PPARGC1A: variants seen among roughly 807,000 people sequenced by gnomAD.
PPARGC1A encodes peroxisome proliferator-activated receptor gamma coactivator 1-alpha.
A neutral mutation model predicts 88.7 loss-of-function variants in PPARGC1A; 25 were observed. The ratio of observed to expected loss-of-function variants is 0.28; its 90% CI spans 0.21 to 0.39. The LOEUF (loss-of-function observed/expected upper bound fraction) is 0.39, where lower values mean the gene tolerates loss of function less well. PPARGC1A is among the 10% of genes least tolerant of loss of function. The pLI is 1.00. For synonymous variants in PPARGC1A, 363 were observed against 355.6 expected (o/e 1.02, Z -0.24); for missense variants, 880 against 968.7 (o/e 0.91, Z 1.22).
At chr4:24,334,604 A>C in the PPARGC1A span, among the ~76,000 whole-genome samples, 1 of 152,224 alleles carries the variant, frequency 6.6e-6, no homozygotes, top group African/African-American at 2.4e-5. Context: ...TCCAAACATC[A>C]GTATCCACAG....
the PPARGC1A span, among the ~76,000 whole-genome samples, chr4:23,954,885 C>CACAACCAGGAAATA: frequency 2.6e-5 from 4 of 151,974 alleles, no homozygotes; most frequent in Non-Finnish European, 5.9e-5. Flanking sequence ...ATATTATATT[C>CACAACCAGGAAATA]ACAACCAGGA....
intron 10 of PPARGC1A, among the ~76,000 whole-genome samples, chr4:23,806,772 G>A (rs1719886304): frequency 1.3e-5 from 2 of 152,172 alleles, no homozygotes; most frequent in South Asian, 4.1e-4. Flanking sequence ...ATCAAAAAGA[G>A]TCTAGAGCTT....
the PPARGC1A span, among the ~76,000 whole-genome samples, chr4:23,928,397 T>C: frequency 1.3e-5 from 2 of 152,196 alleles, no homozygotes; most frequent in African/African-American, 4.8e-5. Context: ...CACAATGAGA[T>C]ACCATCTCAC....
the PPARGC1A span, among the ~76,000 whole-genome samples, chr4:24,270,206 T>G: frequency 2.7e-4 from 41 of 152,148 alleles, 1 homozygote; most frequent in Non-Finnish European, 5.6e-4. Flanking sequence ...TCACTGGAAC[T>G]TACACCACTG....
the PPARGC1A span, among the ~76,000 whole-genome samples, chr4:24,382,929 G>T: frequency 6.6e-6 from 1 of 152,200 alleles, no homozygotes; most frequent in Non-Finnish European, 1.5e-5. Context: ...TGACCCCCAT[G>T]CCTCCTGACA....
At chr4:24,047,191 G>T in the PPARGC1A span, among the ~76,000 whole-genome samples, 1 of 152,152 alleles carries the variant, frequency 6.6e-6, no homozygotes, top group Non-Finnish European at 1.5e-5. Flanking sequence ...CCGTCAGAGT[G>T]ATGCTCTCTC....
At chr4:24,213,975 A>C in the PPARGC1A span, among the ~76,000 whole-genome samples, 1 of 152,228 alleles carries the variant, frequency 6.6e-6, no homozygotes, top group African/African-American at 2.4e-5. Flanking sequence ...AGAGTTGGAG[A>C]GTTATGAGAC....
chr4:24,021,132 A>T, the PPARGC1A span, among the ~76,000 whole-genome samples: 1 of 152,252 alleles, frequency 6.6e-6, no homozygotes, highest in African/African-American at 2.4e-5. Context: ...GCAGGCAAGC[A>T]GTGTTCCCCT....
chr4:24,056,564 C>G, the PPARGC1A span, among the ~76,000 whole-genome samples: 1 of 152,036 alleles, frequency 6.6e-6, no homozygotes, highest in African/African-American at 2.4e-5. Flanking sequence ...ATATGGCCAG[C>G]ACATAGAATA....
the PPARGC1A span, among the ~76,000 whole-genome samples, chr4:23,952,154 G>A: frequency 6.6e-6 from 1 of 152,028 alleles, no homozygotes; most frequent in Non-Finnish European, 1.5e-5. Context: ...AGAAACTCTT[G>A]GGTTCGTAGC....
At chr4:24,189,560 A>G in the PPARGC1A span, among the ~76,000 whole-genome samples, 199 of 152,248 alleles carry the variant, frequency 1.3e-3, 4 homozygotes, top group African/African-American at 4.0e-3. Flanking sequence ...CTCTTCCAGG[A>G]AGCCTTCCCT....
upstream of PPARGC1A, among the ~76,000 whole-genome samples, chr4:23,902,163 A>G (rs1719484931): frequency 6.6e-6 from 1 of 152,220 alleles, no homozygotes; most frequent in African/African-American, 2.4e-5. Context: ...CATTAAAATT[A>G]AATTTAAAAT....
chr4:24,223,021 A>G, the PPARGC1A span, among the ~76,000 whole-genome samples: 4 of 152,204 alleles, frequency 2.6e-5, no homozygotes, highest in Non-Finnish European at 4.4e-5. Flanking sequence ...CATATACTCA[A>G]GCATACCTTT....
At chr4:24,242,345 T>G in the PPARGC1A span, among the ~76,000 whole-genome samples, 7 of 152,234 alleles carry the variant, frequency 4.6e-5, no homozygotes, top group Non-Finnish European at 7.3e-5. Flanking sequence ...ACTGGCCCTG[T>G]GCTCTAGTCC....
rs183813303 is a variant in PPARGC1A at position 23,833,892 on chromosome 4, C to T, written c.235-2141G>A. Among the ~76,000 whole-genome samples the T allele has an allele frequency of 4.7e-4, 71 of 152,298 alleles. 1 individual carries two copies. Among genetic ancestry groups the T allele is most frequent in the African/African-American group, 1.5e-3 (63 of 41,558 alleles). Reference sequence around the variant, plus strand: ...AAAACTTTAATGCACTTGCAGGGCACGGTGGCTCATGCCTGTAATCCTAGC... The same window carrying T: ...AAAACTTTAATGCACTTGCAGGGCATGGTGGCTCATGCCTGTAATCCTAGC... On this transcript the variant is annotated intron_variant, in intron 2 of 12. Coordinates refer to ENST00000264867, the MANE Select transcript of PPARGC1A (RefSeq NM_013261.5).
At chr4:24,046,055 G>C in the PPARGC1A span, among the ~76,000 whole-genome samples, 1 of 152,128 alleles carries the variant, frequency 6.6e-6, no homozygotes, top group East Asian at 1.9e-4. Context: ...CATGAACATG[G>C]ACTATGTAGT....
chr4:24,016,002 T>C, the PPARGC1A span, among the ~76,000 whole-genome samples: 1 of 152,198 alleles, frequency 6.6e-6, no homozygotes, highest in African/African-American at 2.4e-5. Flanking sequence ...CACAAATATG[T>C]GACCGTGTGC....
chr4:24,267,180 CAACA>C, the PPARGC1A span, among the ~76,000 whole-genome samples: 11 of 152,282 alleles, frequency 7.2e-5, no homozygotes, highest in Admixed American at 2.0e-4. Flanking sequence ...TTCCACCCAC[CAACA>C]AACAGAGTAG....
chr4:24,385,863 AAAG>A, the PPARGC1A span, among the ~76,000 whole-genome samples: 1 of 152,166 alleles, frequency 6.6e-6, no homozygotes, highest in African/African-American at 2.4e-5. Context: ...AACAACAGAA[AAAG>A]AAGGACTCCT....
Sources: allele counts gnomAD v4.1 joint callset (sites outside exome capture counted in the v4.1 genomes callset), GRCh38; gene constraint gnomAD v4.1.1; transcripts MANE v1.5; gene names NCBI Gene and HGNC (gene_info 2026-07-23, HGNC 2026-07-21).